Variants in MYH9 observed in about 807,000 individuals in gnomAD.
MYH9 encodes the protein myosin heavy chain 9.
MYH9 carries 29 observed loss-of-function variants against 241.9 expected under a neutral mutation model. The ratio of observed to expected loss-of-function variants is 0.12; its 90% CI spans 0.09 to 0.16. The LOEUF is 0.16. MYH9 is among the 10% of genes least tolerant of loss of function. MYH9 has a pLI of 1.00. For missense variants in MYH9, 1,803 were observed against 2,595.5 expected, an observed-to-expected ratio of 0.69 and a Z score of 6.63; for synonymous variants, 1,047 against 1,062.6, an observed-to-expected ratio of 0.99 and a Z score of 0.29.
Position 36,295,533 on chromosome 22 carries a change from C to A in MYH9, c.3457G>T (p.Asp1153Tyr). ...ALKTELEDTLDSTAAQQELRS... is the reference protein window; with the variant it reads ...ALKTELEDTLYSTAAQQELRS... ...AGCTCCTGCTGGGCAGCTGTGGAAT[C>A]CAGCGTGTCCTCCAACTCTGTTTTC... is the stretch of plus-strand genomic sequence containing the variant. Residue 1153 changes from aspartate to tyrosine, a missense_variant, in exon 26 of 41, where the codon GAT becomes TAT. By Grantham distance (160) the Asp-to-Tyr change is radical. Transcript: ENST00000216181. The surrounding 1 kb of genome is among the most constrained non-coding windows in gnomAD (Gnocchi z 4.1). The A allele has an allele frequency of 6.2e-7, 1 of 1,613,410 alleles. No individual in the cohort carries two copies. The highest frequency in any genetic ancestry group is 8.5e-7 in the Non-Finnish European group (1 of 1,180,020).
chr22:36,328,797 C>G (rs1020442173), intron 3 of MYH9: 1 of 152,258 alleles, frequency 6.6e-6, no homozygotes, highest in Non-Finnish European at 1.5e-5. Flanking sequence ...GAAGGACACA[C>G]TGAGTGGCTC....
intron 5 of MYH9, among the ~76,000 whole-genome samples, chr22:36,323,002 T>C (rs1432590322): frequency 2.0e-5 from 3 of 152,190 alleles, no homozygotes; most frequent in Non-Finnish European, 2.9e-5. Flanking sequence ...CTCATCTGTG[T>C]CCTGATAAAT....
chr22:36,363,227 C>T (rs1009653916), intron 1 of MYH9, among the ~76,000 whole-genome samples: 3 of 152,218 alleles, frequency 2.0e-5, no homozygotes, highest in African/African-American at 7.2e-5. Context: ...CCAGCGCAAT[C>T]TGCCTTATAC....
chr22:36,300,952 A>C lies in MYH9; in HGVS notation c.2737T>G (p.Leu913Val). ...TCTAGGTCATGGCAGATCTCTTCTA[A>C]TTCCTGCTTCTTGGCGGTCAGGCGG... ...RARLTAKKQE[L>V]EEICHDLEAR... Residue 913 changes from leucine to valine, a missense_variant, in exon 22 of 41, where the codon TTA (leucine) becomes GTA (valine). Physicochemically the swap from Leu to Val is conservative, Grantham distance 32. This residue lies in a region of MYH9 where 290 missense variants were observed against 360.5 expected (regional missense o/e 0.80). Coordinates refer to ENST00000216181, the MANE Select transcript of MYH9 (RefSeq NM_002473.6). The surrounding 1 kb of genome is among the most constrained non-coding windows in gnomAD (Gnocchi z 5.0). 2 of 1,610,946 alleles carry C rather than the reference A, an allele frequency of 1.2e-6. No individual in the cohort carries two copies. The highest frequency in any genetic ancestry group is 1.7e-6 in the Non-Finnish European group (2 of 1,179,948).
chr22:36,322,278 G>A (rs1040723895), intron 6 of MYH9, 151 bp downstream of exon 6: 41 of 848,002 alleles, frequency 4.8e-5, no homozygotes, highest in South Asian at 7.0e-5. Flanking sequence ...ACTGGCATTC[G>A]GTCTGGCCTA....
intron 11 of MYH9, among the ~76,000 whole-genome samples, chr22:36,317,656 G>A (rs1300534679): frequency 6.6e-6 from 1 of 152,212 alleles, no homozygotes; most frequent in Non-Finnish European, 1.5e-5. Flanking sequence ...AAAGAAACTA[G>A]AAACCCCGGA....
In MYH9 at chr22:36,358,691, C is replaced by T. The variant is rs547840600; in HGVS notation, c.-19-9436G>A. Among the ~76,000 whole-genome samples the T allele has an allele frequency of 3.9e-5, 6 of 152,316 alleles. No homozygotes were observed. The East Asian group carries it at 1.2e-3, about 29-fold the overall frequency. On this transcript the variant is annotated intron_variant, in intron 1 of 40. Transcript: ENST00000216181. ...CCTCCGCCAACACCACTGCCCGTGC[C>T]CTGTTCCAGTCCAGGCCCACAGGCC...
chr22:36,331,128 G>A (rs562252119), intron 3 of MYH9, among the ~76,000 whole-genome samples: 4 of 152,168 alleles, frequency 2.6e-5, no homozygotes, highest in South Asian at 2.1e-4. Context: ...AGCCACAGCC[G>A]AGAGCGCTGT....
chr22:36,387,532 A>ACGGGGGGCGC (rs1423636764), intron 1 of MYH9, among the ~76,000 whole-genome samples: 2 of 151,430 alleles, frequency 1.3e-5, no homozygotes, highest in Admixed American at 1.3e-4. Context: ...GCCGGGGGAC[A>ACGGGGGGCGC]CGGGGGGCGC....
chr22:36,283,399 T>G (rs138500674), intron 40 of MYH9, among the ~76,000 whole-genome samples: 5 of 151,842 alleles, frequency 3.3e-5, no homozygotes, highest in Admixed American at 1.3e-4. Flanking sequence ...TAGCCGGGCA[T>G]AGTGGTGCAT....
At chr22:36,352,685 A>G (rs1437231393) in intron 1 of MYH9, among the ~76,000 whole-genome samples, 1 of 152,176 alleles carries the variant, frequency 6.6e-6, no homozygotes, top group East Asian at 1.9e-4. Context: ...CCACTTGAAG[A>G]CTAGCAGAGG....
intron 3 of MYH9, 108 bp downstream of exon 3, chr22:36,341,262 C>G: frequency 1.4e-6 from 2 of 1,409,956 alleles, no homozygotes; most frequent in Middle Eastern, 2.5e-4. Flanking sequence ...TGCCCATCAC[C>G]AGCCACTAGA....
At chr22:36,336,037 C>A (rs954347124) in intron 3 of MYH9, among the ~76,000 whole-genome samples, 1 of 152,192 alleles carries the variant, frequency 6.6e-6, no homozygotes, top group African/African-American at 2.4e-5. Flanking sequence ...CCCTTGGGAA[C>A]CAGGGATCGG....
In MYH9 at chr22:36,285,635, G is replaced by A; in HGVS notation, c.5274+23C>T. ...GTGGTGGCTCCAGCCAGAGCCCAGA[G>A]TGGGAGAAGTCCTGGCACCCACCTG... is the stretch of plus-strand genomic sequence containing the variant. On this transcript the variant is annotated intron_variant, in intron 37 of 40. Coordinates refer to ENST00000216181, the MANE Select transcript of MYH9 (RefSeq NM_002473.6). The surrounding 1 kb of genome is among the most constrained non-coding windows in gnomAD (Gnocchi z 7.0). 1 of 1,611,682 alleles carries A rather than the reference G, an allele frequency of 6.2e-7. No homozygotes were observed. The highest frequency in any genetic ancestry group is 1.7e-5 in the Admixed American group (1 of 60,020).
In MYH9 at chr22:36,305,794, G is replaced by A. The variant is rs1569535369; in HGVS notation, c.2159+136C>T. ...AAGAGAAGGAGGTGGGGAAGAGCTG[G>A]CCAGACTCAGTTCTACATGGATGGA... On this transcript the variant is annotated intron_variant, in intron 17 of 40. Transcript: ENST00000216181. The surrounding 1 kb of genome is among the most constrained non-coding windows in gnomAD (Gnocchi z 4.7). 1 of 1,274,034 alleles carries A rather than the reference G, an allele frequency of 7.8e-7. No individual in the cohort carries two copies. The allele number at this position is 1,274,034 out of a possible 1,614,324, so 78.9% of individuals were successfully genotyped here. A position where few individuals can be genotyped will look rare whatever the true frequency, so the allele number is the denominator to read the frequency against.
At chr22:36,322,829 G>A (rs569974500) in intron 5 of MYH9, among the ~76,000 whole-genome samples, 27 of 152,334 alleles carry the variant, frequency 1.8e-4, no homozygotes, top group African/African-American at 5.8e-4. Flanking sequence ...TGTGAAAGCA[G>A]CACTTAAACT....
Position 36,300,403 on chromosome 22 carries a change from G to A in MYH9, c.2839-139C>T. 2 of 1,252,682 alleles carry A rather than the reference G, an allele frequency of 1.6e-6. No homozygotes were observed. Among genetic ancestry groups the A allele is most frequent in the East Asian group, 4.9e-5 (2 of 40,812 alleles). 77.6% of individuals were successfully genotyped at this position (1,252,682 alleles called of 1,614,324 possible). A position where few individuals can be genotyped will look rare whatever the true frequency, so the allele number is the denominator to read the frequency against. ...TGAGCCCAGGGCCATGGCTGAGGTG[G>A]GGACGGCAAGGTCCGCCAGCCCAGG... On this transcript the variant is annotated intron_variant, in intron 22 of 40. Coordinates refer to ENST00000216181, the MANE Select transcript of MYH9 (RefSeq NM_002473.6). This position sits in a 1 kb window ranked among gnomAD's most constrained non-coding sequence, Gnocchi z 5.0.
At chr22:36,333,399 C>G (rs1569536282) in intron 3 of MYH9, among the ~76,000 whole-genome samples, 1 of 152,176 alleles carries the variant, frequency 6.6e-6, no homozygotes, top group Non-Finnish European at 1.5e-5. Context: ...GACCTGTGCC[C>G]TGTTGTATCT....
In MYH9 at chr22:36,300,310, T is replaced by C. The variant is rs746360137; in HGVS notation, c.2839-46A>G. The C allele has an allele frequency of 1.2e-6, 2 of 1,608,246 alleles. No homozygotes were observed. The highest frequency in any genetic ancestry group is 1.1e-5 in the South Asian group (1 of 91,076). ...GGTAAGGACAGCAGGCCCAGAGGCA[T>C]GGCCAAGGTGAAGGCAGCAAGGTCC... is the stretch of plus-strand genomic sequence containing the variant. On this transcript the variant is annotated intron_variant, in intron 22 of 40. Transcript: ENST00000216181. The surrounding 1 kb of genome is among the most constrained non-coding windows in gnomAD (Gnocchi z 5.0).
Sources: gnomAD v4.1 joint callset for allele counts (sites outside exome capture counted in the v4.1 genomes callset) on GRCh38, gnomAD v4.1.1 for gene constraint, gnomAD v4.1.1 regional missense constraint, Gnocchi (gnomAD v3.1) non-coding constraint, MANE v1.5 for transcripts, NCBI Gene and HGNC (gene_info 2026-07-23, HGNC 2026-07-21) for gene names.